CSMD1: variants seen among roughly 807,000 people sequenced by gnomAD.
CSMD1 encodes the protein CUB and Sushi multiple domains 1, also known as CUB and sushi domain-containing protein 1.
CSMD1 carries 213 observed loss-of-function variants against 417.5 expected under a neutral mutation model. The ratio of observed to expected loss-of-function variants is 0.51; its 90% CI spans 0.46 to 0.57. The LOEUF (loss-of-function observed/expected upper bound fraction) is 0.57. CSMD1 is among the 20% of genes least tolerant of loss of function. The pLI is 0.00. For missense variants in CSMD1, 6,923 were observed against 4,529.7 expected (o/e 1.53, Z -15.17); for synonymous variants, 2,862 against 1,736.8 (o/e 1.65, Z -16.11).
At chr8:4,892,962 G>T (rs1804223877) in intron 1 of CSMD1, among the ~76,000 whole-genome samples, 1 of 152,056 alleles carries the variant, frequency 6.6e-6, no homozygotes, top group Non-Finnish European at 1.5e-5. Context: ...TGAGCATATT[G>T]TGAAAGATTT....
chr8:4,909,545 C>T (rs891569304), intron 1 of CSMD1, among the ~76,000 whole-genome samples: 17 of 152,112 alleles, frequency 1.1e-4, no homozygotes, highest in African/African-American at 3.9e-4. Context: ...GGATACTTCA[C>T]AATGTCCATT....
intron 33 of CSMD1, among the ~76,000 whole-genome samples, chr8:3,192,595 C>A (rs969424938): frequency 6.6e-6 from 1 of 152,038 alleles, no homozygotes; most frequent in African/African-American, 2.4e-5. Flanking sequence ...GAGAGAGGCA[C>A]GAGAAGCAGC....
intron 5 of CSMD1, among the ~76,000 whole-genome samples, chr8:3,927,644 G>C (rs995263736): frequency 1.3e-5 from 2 of 152,030 alleles, no homozygotes; most frequent in African/African-American, 4.8e-5. Context: ...CACACTCGGC[G>C]AAAGAGTGAA....
chr8:3,920,558 A>C (rs1217511125), intron 5 of CSMD1, among the ~76,000 whole-genome samples: 2 of 152,128 alleles, frequency 1.3e-5, no homozygotes, highest in Non-Finnish European at 2.9e-5. Context: ...CTTGTTCTTA[A>C]ATTTAAAGAG....
intron 5 of CSMD1, among the ~76,000 whole-genome samples, chr8:3,879,415 G>C (rs1013028810): frequency 3.9e-5 from 6 of 152,100 alleles, no homozygotes; most frequent in Non-Finnish European, 8.8e-5. Flanking sequence ...AATTAATCTG[G>C]AGGAAATGAA....
intron 26 of CSMD1, among the ~76,000 whole-genome samples, chr8:3,259,902 T>C (rs964661573): frequency 6.6e-6 from 1 of 152,086 alleles, no homozygotes; most frequent in African/African-American, 2.4e-5. Flanking sequence ...TTCAAACACA[T>C]CTCTGACCAC....
At chr8:4,553,234 G>A (rs953204794) in intron 2 of CSMD1, among the ~76,000 whole-genome samples, 1 of 152,116 alleles carries the variant, frequency 6.6e-6, no homozygotes, top group Non-Finnish European at 1.5e-5. Flanking sequence ...AATCTGGACA[G>A]TCTGCAACCA....
rs114485003 is a variant in CSMD1 at position 3,381,791 on chromosome 8, C to T, written c.2782+5703G>A. On this transcript the variant is annotated intron_variant, in intron 18 of 69. Coordinates refer to ENST00000635120, the MANE Select transcript of CSMD1 (RefSeq NM_033225.6). ...AAAATAAAAAATCTCACTGCTCCCA[C>T]GCTACAGCCTAGTTATCTCTGAAGA... Among the ~76,000 whole-genome samples, 755 of 152,258 alleles carry T rather than the reference C, an allele frequency of 5.0e-3. 7 individuals are homozygous for T. Among genetic ancestry groups the T allele is most frequent in the African/African-American group, 0.017 (721 of 41,556 alleles).
chr8:3,873,418 C>CA (rs1462012555), intron 5 of CSMD1, among the ~76,000 whole-genome samples: 1 of 152,048 alleles, frequency 6.6e-6, no homozygotes, highest in Non-Finnish European at 1.5e-5. Flanking sequence ...ATGGATGGAA[C>CA]TGGAGGCCAT....
chr8:3,883,624 AATT>A, intron 5 of CSMD1, among the ~76,000 whole-genome samples: 1 of 152,266 alleles, frequency 6.6e-6, no homozygotes, highest in Non-Finnish European at 1.5e-5. Flanking sequence ...AATTAATATC[AATT>A]ATTAAAATTG....
At chr8:3,504,130 G>C (rs1034570415) in intron 10 of CSMD1, among the ~76,000 whole-genome samples, 5 of 152,108 alleles carry the variant, frequency 3.3e-5, no homozygotes, top group African/African-American at 9.7e-5. Context: ...ATGAATGTTT[G>C]AAGTGATGAA....
At position 2,938,592 on chromosome 8, in the gene CSMD1, A is replaced by G. The variant is rs757743271; in HGVS notation, c.10688T>C (p.Val3563Ala). The G allele has an allele frequency of 6.2e-7, 1 of 1,611,548 alleles. No individual in the cohort carries two copies. Among genetic ancestry groups the G allele is most frequent in the Non-Finnish European group, 8.5e-7 (1 of 1,178,924 alleles). Residue 3563 changes from valine to alanine, a missense_variant, in exon 70 of 70, where the codon GTG becomes GCG. Physicochemically the swap from Val to Ala is moderately conservative, Grantham distance 64. Coordinates refer to ENST00000635120, the MANE Select transcript of CSMD1 (RefSeq NM_033225.6). ...CTGTTGGGGCACTGAGGGCTATACC[A>G]CTGTACAGACTGTGTTCAGAGTTGT... Reference protein sequence around the residue: ...FDTTLNTVCTVV With the variant: ...FDTTLNTVCTAV
At chr8:4,528,568 A>T (rs1796636212) in intron 2 of CSMD1, among the ~76,000 whole-genome samples, 1 of 152,080 alleles carries the variant, frequency 6.6e-6, no homozygotes, top group Admixed American at 6.5e-5. Flanking sequence ...ATCTTATGTT[A>T]ATTATTTGTA....
At chr8:2,981,375 T>C (rs1229903608) in intron 54 of CSMD1, among the ~76,000 whole-genome samples, 1 of 152,158 alleles carries the variant, frequency 6.6e-6, no homozygotes, top group Non-Finnish European at 1.5e-5. Flanking sequence ...GAAGGAGAAA[T>C]GGCCAGTGAA....
chr8:3,900,977 T>C (rs1462174521), intron 5 of CSMD1, among the ~76,000 whole-genome samples: 1 of 152,254 alleles, frequency 6.6e-6, no homozygotes, highest in Non-Finnish European at 1.5e-5. Flanking sequence ...CCTGAAACTT[T>C]ATGATTTTTC....
intron 10 of CSMD1, among the ~76,000 whole-genome samples, chr8:3,512,904 G>C (rs996134665): frequency 9.2e-5 from 14 of 152,060 alleles, no homozygotes; most frequent in African/African-American, 3.4e-4. Flanking sequence ...TCTTTTTAAG[G>C]AGGAAGATGT....
intron 26 of CSMD1, among the ~76,000 whole-genome samples, chr8:3,236,140 G>C (rs745382688): frequency 6.6e-6 from 1 of 151,750 alleles, no homozygotes; most frequent in African/African-American, 2.4e-5. Flanking sequence ...GGAGAGTCTC[G>C]ATCTCTTAAC....
intron 42 of CSMD1, among the ~76,000 whole-genome samples, chr8:3,112,176 T>G (rs1210146153): frequency 1.3e-5 from 2 of 151,838 alleles, no homozygotes; most frequent in East Asian, 3.9e-4. Context: ...CTAGCTCAGG[T>G]CATGATAAAC....
chr8:3,294,119 C>T lies in CSMD1; in HGVS notation c.3951-9773G>A, dbSNP rs933097573. Among the ~76,000 whole-genome samples the T allele has an allele frequency of 4.6e-5, 7 of 152,196 alleles. No homozygotes were observed. The South Asian group carries it at 1.2e-3, about 27-fold the overall frequency. ...CGGACCCTGTTTGCCTGGGTATCAGCAGCAGAGACTGCAGAACAGCAGATG... is the reference window on the plus strand; with the variant it reads ...CGGACCCTGTTTGCCTGGGTATCAGTAGCAGAGACTGCAGAACAGCAGATG... On this transcript the variant is annotated intron_variant, in intron 25 of 69. Transcript: ENST00000635120.
Sources: gnomAD v4.1 joint callset for allele counts (sites outside exome capture counted in the v4.1 genomes callset) on GRCh38, gnomAD v4.1.1 for gene constraint, MANE v1.5 for transcripts, NCBI Gene and HGNC (gene_info 2026-07-23, HGNC 2026-07-21) for gene names.